RICTOR: variants seen among roughly 807,000 people sequenced by gnomAD.
RICTOR encodes the protein rapamycin-insensitive companion of mTOR.
Under a neutral mutation model 214.9 loss-of-function variants are expected in RICTOR, and 49 were observed. The observed-to-expected ratio is 0.23, with a 90% CI of 0.18 to 0.29. The LOEUF is 0.29. Among genes scored for constraint, RICTOR ranks in the 10% least tolerant of loss-of-function variants. The pLI, the probability that RICTOR is intolerant of heterozygous loss-of-function variation, is 1.00. For synonymous variants in RICTOR, 717 were observed against 711.3 expected (o/e 1.01, Z -0.13); for missense variants, 1,625 against 2,047.0 (o/e 0.79, Z 3.98).
intron 5 of RICTOR, among the ~76,000 whole-genome samples, chr5:38,999,027 C>CAAAAAAAAAAAGA (rs1753398483): frequency 3.9e-5 from 1 of 25,340 alleles, no homozygotes; most frequent in East Asian, 1.7e-3. Context: ...AACAAACAGG[C>CAAAAAAAAAAAGA]AAAAAAAAAA....
chr5:38,961,201 A>C (rs1225417880), intron 19 of RICTOR, among the ~76,000 whole-genome samples: 1 of 152,156 alleles, frequency 6.6e-6, no homozygotes, highest in Admixed American at 6.6e-5. Flanking sequence ...GTTAGAAAAA[A>C]TAAAGGAGAA....
At chr5:38,988,902 T>C (rs1752374293) in intron 7 of RICTOR, among the ~76,000 whole-genome samples, 2 of 152,072 alleles carry the variant, frequency 1.3e-5, no homozygotes, top group African/African-American at 4.8e-5. Context: ...TGCTCATGGA[T>C]AGGAAGAATC....
chr5:38,952,721 A>G (rs2112872239), intron 29 of RICTOR, among the ~76,000 whole-genome samples: 1 of 152,138 alleles, frequency 6.6e-6, no homozygotes, highest in East Asian at 1.9e-4. Flanking sequence ...CAGCTGGGTT[A>G]CAGGAATACT....
chr5:38,946,257 G>A (rs1422278390), intron 33 of RICTOR, among the ~76,000 whole-genome samples: 1 of 152,160 alleles, frequency 6.6e-6, no homozygotes, highest in African/African-American at 2.4e-5. Context: ...GAAAGGTTGA[G>A]TACTTCACTG....
chr5:39,074,000 C>T, intron 2 of RICTOR, 111 bp downstream of exon 2: 1 of 678,772 alleles, frequency 1.5e-6, no homozygotes. Context: ...GCTCTGGCCC[C>T]CGCACCCCGC....
chr5:38,942,194 G>C lies in RICTOR; in HGVS notation c.*110C>G. 1 of 610,986 alleles carries C rather than the reference G, an allele frequency of 1.6e-6. No homozygotes were observed. The highest frequency in any genetic ancestry group is 2.9e-5 in the East Asian group (1 of 34,120). The allele number at this position is 610,986 out of a possible 1,614,324, so 37.8% of individuals were successfully genotyped here. On this transcript the variant is annotated 3_prime_UTR_variant, in exon 38 of 38. Transcript: ENST00000357387. ...ACCAGTAACTGCGGAACAGTGTACA[G>C]AAGATACTCCTGTCTTTGCTGCCTA... is the stretch of plus-strand genomic sequence containing the variant.
chr5:38,956,690 G>A (rs1749292331), intron 25 of RICTOR, among the ~76,000 whole-genome samples: 1 of 151,962 alleles, frequency 6.6e-6, no homozygotes, highest in Non-Finnish European at 1.5e-5. Flanking sequence ...CTTTGTTATA[G>A]CTCTTATATT....
At chr5:38,991,174 GA>G (rs756647179) in intron 6 of RICTOR, 99 bp from the exon 7 acceptor site, 1 of 627,888 alleles carries the variant, frequency 1.6e-6, no homozygotes. Flanking sequence ...ATAAGATCCA[GA>G]ATAAGATCTA....
rs1195950362 is a variant in RICTOR, at chr5:38,976,953, T to TA, written c.822-1350dup. ...GAGGTATCAGCGCTATGACTGTGAC[T>TA]ATGTTTATGTTATATTGTCTAGCAG... On this transcript the variant is annotated intron_variant, in intron 9 of 37. Transcript: ENST00000357387. Among the ~76,000 whole-genome samples the TA allele has an allele frequency of 2.0e-4, 31 of 152,254 alleles. 1 individual carries two copies. The highest frequency in any genetic ancestry group is 4.4e-5 in the Non-Finnish European group (3 of 68,048).
intron 2 of RICTOR, among the ~76,000 whole-genome samples, chr5:39,035,045 T>C (rs947068374): frequency 2.4e-4 from 37 of 152,244 alleles, no homozygotes; most frequent in African/African-American, 7.9e-4. Context: ...CCCTGACCCC[T>C]GAGCAGCCTA....
chr5:38,996,455 A>C (rs1053685681), intron 6 of RICTOR, among the ~76,000 whole-genome samples: 1 of 152,220 alleles, frequency 6.6e-6, no homozygotes, highest in Non-Finnish European at 1.5e-5. Flanking sequence ...ACTTCCATTT[A>C]ATACTATTAA....
At chr5:39,037,737 C>T (rs1411595610) in intron 2 of RICTOR, among the ~76,000 whole-genome samples, 1 of 152,030 alleles carries the variant, frequency 6.6e-6, no homozygotes, top group Non-Finnish European at 1.5e-5. Context: ...ATAAATTTCT[C>T]GACACATACA....
intron 3 of RICTOR, among the ~76,000 whole-genome samples, chr5:39,004,162 T>C (rs1366035588): frequency 6.6e-6 from 1 of 152,222 alleles, no homozygotes; most frequent in Non-Finnish European, 1.5e-5. Flanking sequence ...ATTTTGATGG[T>C]TCCTTATTGG....
intron 2 of RICTOR, among the ~76,000 whole-genome samples, chr5:39,040,868 T>C (rs1479051537): frequency 6.6e-6 from 1 of 152,172 alleles, no homozygotes; most frequent in Non-Finnish European, 1.5e-5. Flanking sequence ...TTAATAAATA[T>C]ATGATCTCAT....
chr5:38,979,492 A>T (rs939772375), intron 8 of RICTOR, among the ~76,000 whole-genome samples: 2 of 152,102 alleles, frequency 1.3e-5, no homozygotes, highest in African/African-American at 4.8e-5. Context: ...TCTTTGTTTT[A>T]GGTCATTTTC....
Position 38,955,690 on chromosome 5 carries a change from T to C in RICTOR, c.2514A>G (p.Lys838=). 5 of 1,578,588 alleles carry C rather than the reference T, an allele frequency of 3.2e-6. No homozygotes were observed. Among genetic ancestry groups the C allele is most frequent in the Non-Finnish European group, 4.4e-6 (5 of 1,147,598 alleles). Residue 838 remains lysine, a synonymous_variant, in exon 26 of 38, where the codon AAA becomes AAG. Transcript: ENST00000357387. ...GTTGTTCCTCAATCAAGTCAACATA[T>C]TTGGAGTTGTATTCCTAGAGGATAA... ...LEKWHREYNS[K]YVDLIEEQLN... is the part of the protein sequence containing the mutation.
chr5:38,957,751 T>G, intron 24 of RICTOR, 21 bp from the exon 25 acceptor site: 1 of 1,352,184 alleles, frequency 7.4e-7, no homozygotes, highest in Non-Finnish European at 1.0e-6. Context: ...AAACAAGCAA[T>G]AGTTTAACAT....
rs770522435 is a variant in RICTOR at position 38,975,608 on chromosome 5, T to C, written c.822-4A>G. 6.2e-7 allele frequency: 1 copy of C among 1,612,940 alleles called. No homozygotes were observed. Among genetic ancestry groups the C allele is most frequent in the East Asian group, 2.2e-5 (1 of 44,846 alleles). On this transcript the variant is annotated splice_polypyrimidine_tract_variant and splice_region_variant and intron_variant, in intron 9 of 37. Transcript: ENST00000357387. ...AAATCGTGCTTCTCTGTCTTCTCTG[T>C]TGGGGGTGGGGAGGCAGCGGGGAGA...
At chr5:38,988,687 A>G (rs1390091272) in intron 7 of RICTOR, among the ~76,000 whole-genome samples, 2 of 152,200 alleles carry the variant, frequency 1.3e-5, no homozygotes, top group African/African-American at 4.8e-5. Context: ...TACAAAATCA[A>G]TGTGCAAAAA....
Sources: allele counts gnomAD v4.1 joint callset (sites outside exome capture counted in the v4.1 genomes callset), GRCh38; gene constraint gnomAD v4.1.1; transcripts MANE v1.5; gene names NCBI Gene and HGNC (gene_info 2026-07-23, HGNC 2026-07-21).